Variants in SEC11A observed in about 807,000 individuals in gnomAD.
SEC11A encodes the protein signal peptidase complex catalytic subunit SEC11A.
SEC11A carries 14 observed loss-of-function variants against 25.6 expected under a neutral mutation model. That is an observed-to-expected ratio of 0.55 (90% CI 0.36 to 0.85). SEC11A has a LOEUF of 0.85. Among genes scored for constraint, SEC11A ranks in the 40% least tolerant of loss-of-function variants. SEC11A has a pLI of 0.01. For missense variants in SEC11A, 153 were observed against 222.9 expected, an observed-to-expected ratio of 0.69 and a Z score of 2.00; for synonymous variants, 83 against 76.4, an observed-to-expected ratio of 1.09 and a Z score of -0.45.
At chr15:84,703,957 G>A (rs754035000) in intron 1 of SEC11A, among the ~76,000 whole-genome samples, 1 of 152,010 alleles carries the variant, frequency 6.6e-6, no homozygotes, top group East Asian at 1.9e-4. Flanking sequence ...CTTACCCAAC[G>A]GACTCATGAC....
chr15:84,698,076 C>G (rs1189938448), intron 1 of SEC11A, among the ~76,000 whole-genome samples: 1 of 151,988 alleles, frequency 6.6e-6, no homozygotes, highest in Non-Finnish European at 1.5e-5. Context: ...AGCCACAAGA[C>G]AATTTATAAT....
At chr15:84,682,066 AAAT>A (rs1897295124) in intron 3 of SEC11A, among the ~76,000 whole-genome samples, 1 of 152,150 alleles carries the variant, frequency 6.6e-6, no homozygotes, top group Non-Finnish European at 1.5e-5. Flanking sequence ...CTTGAATAAC[AAAT>A]AATAATAACA....
chr15:84,706,311 C>T (rs1011657411), intron 1 of SEC11A, among the ~76,000 whole-genome samples: 3 of 152,272 alleles, frequency 2.0e-5, no homozygotes, highest in Admixed American at 6.5e-5. Context: ...CTTCGGGCTC[C>T]TCATTCTAGA....
chr15:84,685,428 T>C (rs1316771798), intron 3 of SEC11A, among the ~76,000 whole-genome samples: 2 of 149,224 alleles, frequency 1.3e-5, no homozygotes, highest in Non-Finnish European at 3.0e-5. Flanking sequence ...TGACTCATTT[T>C]TTTTTTTTTT....
At chr15:84,700,463 G>A (rs998886690) in intron 1 of SEC11A, among the ~76,000 whole-genome samples, 3 of 149,238 alleles carry the variant, frequency 2.0e-5, no homozygotes, top group African/African-American at 5.1e-5. Flanking sequence ...GCATGGTGGC[G>A]CATGCCTGTA....
intron 2 of SEC11A, among the ~76,000 whole-genome samples, chr15:84,691,054 G>GT (rs1897589600): frequency 6.7e-6 from 1 of 148,850 alleles, no homozygotes; most frequent in African/African-American, 2.5e-5. Context: ...GCCTAACAAA[G>GT]TAAGAATTTC....
At position 84,670,734 on chromosome 15, in the gene SEC11A, A is replaced by T; in HGVS notation, c.480T>A (p.Pro160=). ...GIVTILMNDY[P]KFKYAVLFLL... is the part of the protein sequence containing the mutation. ...TAATACAGACTCTTACCTTAAATTTAGGATAGTCATTCATGAGGATCGTCA... is the reference window on the plus strand; with the variant it reads ...TAATACAGACTCTTACCTTAAATTTTGGATAGTCATTCATGAGGATCGTCA... The change falls in exon 5 of 6, where the codon CCT becomes CCA. Residue 160 remains proline (P), a synonymous_variant. Transcript: ENST00000268220. 1 of 1,436,996 alleles carries T rather than the reference A, an allele frequency of 7.0e-7. No homozygotes were observed. Among genetic ancestry groups the T allele is most frequent in the Non-Finnish European group, 9.6e-7 (1 of 1,045,528 alleles). 89.0% of individuals were successfully genotyped at this position (1,436,996 alleles called of 1,614,324 possible). A position where few individuals can be genotyped will look rare whatever the true frequency, so the allele number is the denominator to read the frequency against.
intron 4 of SEC11A, 74 bp downstream of exon 4, chr15:84,680,639 G>A (rs1897263157): frequency 1.4e-6 from 2 of 1,403,044 alleles, no homozygotes; most frequent in Non-Finnish European, 1.9e-6. Context: ...AACTGTGTAT[G>A]ATCAAATAAT....
In SEC11A at chr15:84,669,994, T is replaced by C. The variant is rs759114511; in HGVS notation, c.*25A>G. 6.2e-7 allele frequency: 1 copy of C among 1,613,560 alleles called. No homozygotes were observed. The highest frequency in any genetic ancestry group is 1.7e-5 in the Admixed American group (1 of 59,974). On this transcript the variant is annotated 3_prime_UTR_variant, in exon 6 of 6. Transcript: ENST00000268220. Reference sequence around the variant, plus strand: ...TCCAGTAACGAAAACTATGGCATCTTCCCAGGAACAGCAAGGCAGGCTTCT... The same window carrying C: ...TCCAGTAACGAAAACTATGGCATCTCCCCAGGAACAGCAAGGCAGGCTTCT...
At chr15:84,694,522 T>C (rs566593100) in intron 1 of SEC11A, among the ~76,000 whole-genome samples, 3 of 151,888 alleles carry the variant, frequency 2.0e-5, no homozygotes, top group Non-Finnish European at 4.4e-5. Context: ...CAAGAATATG[T>C]AAAAAAAAGC....
chr15:84,678,114 T>C (rs1305501482), intron 4 of SEC11A, among the ~76,000 whole-genome samples: 1 of 151,026 alleles, frequency 6.6e-6, no homozygotes, highest in African/African-American at 2.4e-5. Context: ...TGAGAATCAT[T>C]TGAACCTGAG....
At chr15:84,709,275 C>T (rs760328340) in intron 1 of SEC11A, among the ~76,000 whole-genome samples, 1 of 151,946 alleles carries the variant, frequency 6.6e-6, no homozygotes, top group Non-Finnish European at 1.5e-5. Context: ...AAGCAATCAT[C>T]CTGCCTCAGC....
chr15:84,715,385 C>A (rs556905744), intron 1 of SEC11A, among the ~76,000 whole-genome samples: 36 of 152,138 alleles, frequency 2.4e-4, no homozygotes, highest in Non-Finnish European at 5.0e-4. Context: ...ATCAGGAGAC[C>A]TACATTTCCA....
chr15:84,678,601 G>A (rs918528664), intron 4 of SEC11A, among the ~76,000 whole-genome samples: 4 of 152,162 alleles, frequency 2.6e-5, no homozygotes, highest in Admixed American at 6.5e-5. Flanking sequence ...ATATTGATTT[G>A]TAAATACGCT....
chr15:84,669,871 G>T lies in SEC11A; in HGVS notation c.*148C>A. 3 of 1,474,110 alleles carry T rather than the reference G, an allele frequency of 2.0e-6. No individual in the cohort carries two copies. Among genetic ancestry groups the T allele is most frequent in the Non-Finnish European group, 2.8e-6 (3 of 1,084,366 alleles). The allele number at this position is 1,474,110 out of a possible 1,614,324, so 91.3% of individuals were successfully genotyped here. A position where few individuals can be genotyped will look rare whatever the true frequency, so the allele number is the denominator to read the frequency against. ...CATGCGCCCGCCCACACAAACTCTG[G>T]CATGGAAACATAAACTAATGCAAAC... On this transcript the variant is annotated 3_prime_UTR_variant, in exon 6 of 6. Transcript: ENST00000268220.
chr15:84,711,688 G>A (rs977342308), intron 1 of SEC11A, among the ~76,000 whole-genome samples: 1 of 149,552 alleles, frequency 6.7e-6, no homozygotes, highest in African/African-American at 2.5e-5. Context: ...ACGTGGTGGC[G>A]CACACCTGTA....
chr15:84,681,473 T>C (rs1949059864), intron 3 of SEC11A, among the ~76,000 whole-genome samples: 1 of 151,760 alleles, frequency 6.6e-6, no homozygotes, highest in African/African-American at 2.4e-5. Context: ...TTACTAAAAA[T>C]ACAAAAATAA....
chr15:84,711,599 C>T (rs1416361971), intron 1 of SEC11A, among the ~76,000 whole-genome samples: 1 of 151,920 alleles, frequency 6.6e-6, no homozygotes, highest in Non-Finnish European at 1.5e-5. Context: ...GATCAGATCA[C>T]TTGAGGTCAG....
intron 4 of SEC11A, 40 bp from the exon 5 acceptor site, chr15:84,670,822 T>C (rs1229249667): frequency 4.0e-6 from 4 of 990,074 alleles, no homozygotes; most frequent in African/African-American, 3.3e-5. Context: ...GAATTTCCGA[T>C]GTAAAGCAGC....
Sources: allele counts gnomAD v4.1 joint callset (sites outside exome capture counted in the v4.1 genomes callset), GRCh38; gene constraint gnomAD v4.1.1; transcripts MANE v1.5; gene names NCBI Gene and HGNC (gene_info 2026-07-23, HGNC 2026-07-21).